The following ADGRB3 variants were observed in gnomAD, a reference collection of about 807,000 sequenced individuals.
The protein encoded by ADGRB3 is brain-specific angiogenesis inhibitor 3.
In ADGRB3, 37 loss-of-function variants were observed where a neutral mutation model predicts 193.4. The observed-to-expected ratio is 0.19, with a 90% CI of 0.15 to 0.25. ADGRB3 has a LOEUF of 0.25. Ranked by LOEUF, ADGRB3 falls within the 10% of genes least tolerant of loss-of-function variation. The pLI is 1.00. For missense variants in ADGRB3, 1,637 were observed against 1,852.9 expected (o/e 0.88, Z 2.14); for synonymous variants, 690 against 644.2 (o/e 1.07, Z -1.08).
At chr6:68,678,589 A>C (rs987424351) in intron 3 of ADGRB3, among the ~76,000 whole-genome samples, 2 of 152,176 alleles carry the variant, frequency 1.3e-5, no homozygotes, top group Admixed American at 1.3e-4. Flanking sequence ...ATATGGGTGT[A>C]ATCAAAGGAA....
chr6:69,125,621 A>C (rs1173832477), intron 17 of ADGRB3, among the ~76,000 whole-genome samples: 1 of 152,124 alleles, frequency 6.6e-6, no homozygotes, highest in African/African-American at 2.4e-5. Flanking sequence ...AGGCTTCAGA[A>C]CTCTGAGAAA....
At chr6:69,010,426 T>C (rs548851826) in intron 11 of ADGRB3, among the ~76,000 whole-genome samples, 1 of 152,058 alleles carries the variant, frequency 6.6e-6, no homozygotes, top group African/African-American at 2.4e-5. Context: ...TTTGCCATAA[T>C]GCGGCAATGA....
chr6:69,224,959 C>T (rs1765978278), intron 17 of ADGRB3, among the ~76,000 whole-genome samples: 1 of 152,078 alleles, frequency 6.6e-6, no homozygotes, highest in South Asian at 2.1e-4. Context: ...TATTAACACT[C>T]TCATCATTAT....
chr6:68,707,103 T>A (rs1165165809), intron 3 of ADGRB3, among the ~76,000 whole-genome samples: 2 of 96,878 alleles, frequency 2.1e-5, no homozygotes, highest in Non-Finnish European at 3.9e-5. Context: ...AGAGCCAGAC[T>A]CCATCTCAAA....
intron 20 of ADGRB3, among the ~76,000 whole-genome samples, chr6:69,271,775 G>A (rs777083900): frequency 2.0e-5 from 3 of 151,926 alleles, no homozygotes; most frequent in Non-Finnish European, 4.4e-5. Flanking sequence ...TCCAATTACA[G>A]GATGAAATGT....
chr6:69,205,351 C>T (rs1411987941), intron 17 of ADGRB3, among the ~76,000 whole-genome samples: 1 of 151,662 alleles, frequency 6.6e-6, no homozygotes, highest in Non-Finnish European at 1.5e-5. Flanking sequence ...GAATTGAAGA[C>T]TGAGACTGCC....
At chr6:69,208,314 A>T (rs1175034567) in intron 17 of ADGRB3, among the ~76,000 whole-genome samples, 2 of 152,124 alleles carry the variant, frequency 1.3e-5, no homozygotes, top group Admixed American at 6.5e-5. Context: ...GTTTTTGACC[A>T]CTCAGGGAAG....
At chr6:68,844,620 G>A (rs1443108247) in intron 3 of ADGRB3, among the ~76,000 whole-genome samples, 1 of 152,142 alleles carries the variant, frequency 6.6e-6, no homozygotes, top group Non-Finnish European at 1.5e-5. Context: ...CCACTGCTAG[G>A]TGTATACCCA....
At chr6:68,667,110 C>G (rs185153799) in intron 3 of ADGRB3, among the ~76,000 whole-genome samples, 76 of 151,736 alleles carry the variant, frequency 5.0e-4, no homozygotes, top group African/African-American at 1.7e-3. Context: ...AGAGCTGGTA[C>G]TTTTTTAAAC....
chr6:68,689,567 A>C (rs1167657094), intron 3 of ADGRB3, among the ~76,000 whole-genome samples: 2 of 152,162 alleles, frequency 1.3e-5, no homozygotes, highest in South Asian at 4.1e-4. Flanking sequence ...AATTATGAGA[A>C]TCTCTTTATC....
intron 3 of ADGRB3, among the ~76,000 whole-genome samples, chr6:68,902,771 ACACTAG>A (rs1023512975): frequency 1.4e-4 from 22 of 152,108 alleles, no homozygotes; most frequent in African/African-American, 5.1e-4. Context: ...AATGATCTTG[ACACTAG>A]CACTGTTAAC....
At chr6:69,325,979 G>A (rs1220283228) in intron 21 of ADGRB3, among the ~76,000 whole-genome samples, 1 of 151,684 alleles carries the variant, frequency 6.6e-6, no homozygotes, top group Non-Finnish European at 1.5e-5. Context: ...CAAGGCGGGT[G>A]GACTACCTGA....
chr6:68,879,132 G>A (rs1206805246), intron 3 of ADGRB3, among the ~76,000 whole-genome samples: 1 of 151,778 alleles, frequency 6.6e-6, no homozygotes, highest in African/African-American at 2.4e-5. Flanking sequence ...ATTTTTAGAG[G>A]CTTGAATGTC....
intron 17 of ADGRB3, among the ~76,000 whole-genome samples, chr6:69,126,239 A>T (rs1773847287): frequency 6.6e-6 from 1 of 151,220 alleles, no homozygotes; most frequent in Non-Finnish European, 1.5e-5. Context: ...ACACACATAC[A>T]TACATACATA....
At chr6:69,371,221 C>T (rs564518472) in intron 29 of ADGRB3, among the ~76,000 whole-genome samples, 4 of 152,104 alleles carry the variant, frequency 2.6e-5, no homozygotes, top group Non-Finnish European at 4.4e-5. Flanking sequence ...TCTACTGAAA[C>T]GTGGTTTGGG....
chr6:68,907,376 A>C (rs576644080), intron 3 of ADGRB3, among the ~76,000 whole-genome samples: 1 of 151,966 alleles, frequency 6.6e-6, no homozygotes, highest in African/African-American at 2.4e-5. Context: ...TTGTTGTATA[A>C]ATTCTTTGAT....
intron 28 of ADGRB3, among the ~76,000 whole-genome samples, chr6:69,359,550 A>G (rs1441523324): frequency 2.0e-5 from 3 of 152,032 alleles, no homozygotes; most frequent in Middle Eastern, 3.4e-3. Flanking sequence ...TATTACATGA[A>G]TGATTCATGT....
At chr6:68,981,354 G>C (rs1337711483) in intron 10 of ADGRB3, among the ~76,000 whole-genome samples, 2 of 151,616 alleles carry the variant, frequency 1.3e-5, no homozygotes, top group Admixed American at 1.3e-4. Flanking sequence ...ACAGCAAATA[G>C]TAATAGCTCA....
chr6:68,851,590 G>T (rs1768403960), intron 3 of ADGRB3, among the ~76,000 whole-genome samples: 1 of 151,708 alleles, frequency 6.6e-6, no homozygotes, highest in Non-Finnish European at 1.5e-5. Context: ...TTTGTTAAAT[G>T]ATACAAAATT....
Sources: gnomAD v4.1 joint callset for allele counts (sites outside exome capture counted in the v4.1 genomes callset) on GRCh38, gnomAD v4.1.1 for gene constraint, MANE v1.5 for transcripts, NCBI Gene and HGNC (gene_info 2026-07-23, HGNC 2026-07-21) for gene names.